The following ST8SIA4 variants were observed in gnomAD, a reference collection of about 807,000 sequenced individuals.
ST8SIA4 encodes CMP-N-acetylneuraminate-poly-alpha-2,8-sialyltransferase.
In ST8SIA4, 15 loss-of-function variants were observed where a neutral mutation model predicts 33.9. The observed-to-expected ratio is 0.44, with a 90% CI of 0.30 to 0.68. The LOEUF (loss-of-function observed/expected upper bound fraction) is 0.68, where lower values mean the gene tolerates loss of function less well. Among genes scored for constraint, ST8SIA4 ranks in the 30% least tolerant of loss-of-function variants. The pLI is 0.10. For synonymous variants in ST8SIA4, 171 were observed against 151.2 expected (o/e 1.13, Z -0.96); for missense variants, 321 against 428.0 (o/e 0.75, Z 2.21).
intron 4 of ST8SIA4, among the ~76,000 whole-genome samples, chr5:100,832,087 A>C (rs907915879): frequency 6.6e-6 from 1 of 152,194 alleles, no homozygotes; most frequent in Non-Finnish European, 1.5e-5. Flanking sequence ...CATAGATACT[A>C]AATATCAATA....
chr5:100,822,399 G>A (rs140226023), intron 4 of ST8SIA4, among the ~76,000 whole-genome samples: 8 of 152,080 alleles, frequency 5.3e-5, no homozygotes, highest in African/African-American at 1.9e-4. Context: ...GAACAACTTC[G>A]GTACAGTGAA....
intron 4 of ST8SIA4, among the ~76,000 whole-genome samples, chr5:100,818,354 A>T (rs1223689829): frequency 6.6e-6 from 1 of 152,040 alleles, no homozygotes; most frequent in Non-Finnish European, 1.5e-5. Flanking sequence ...TCTATGTGTG[A>T]AGCTTTTTGG....
chr5:100,878,362 A>C (rs547996938), intron 3 of ST8SIA4, among the ~76,000 whole-genome samples: 1 of 151,962 alleles, frequency 6.6e-6, no homozygotes, highest in Admixed American at 6.6e-5. Flanking sequence ...TTTTCAGTAG[A>C]GATGGGGTTT....
chr5:100,837,869 G>A (rs1751395317), intron 4 of ST8SIA4, among the ~76,000 whole-genome samples: 1 of 151,870 alleles, frequency 6.6e-6, no homozygotes, highest in Admixed American at 6.6e-5. Flanking sequence ...TATTGTATAT[G>A]TTGTCTTAGT....
intron 4 of ST8SIA4, among the ~76,000 whole-genome samples, chr5:100,851,973 A>G (rs1382565110): frequency 1.3e-5 from 2 of 151,920 alleles, no homozygotes; most frequent in African/African-American, 4.8e-5. Flanking sequence ...GGTTATTAAG[A>G]TATTAAGTTG....
At chr5:100,879,368 C>T (rs892776333) in intron 3 of ST8SIA4, among the ~76,000 whole-genome samples, 13 of 152,148 alleles carry the variant, frequency 8.5e-5, no homozygotes, top group Admixed American at 7.9e-4. Flanking sequence ...AGAAATTGTT[C>T]TTGAAAGTTA....
chr5:100,874,509 C>A (rs1212098883), intron 3 of ST8SIA4, among the ~76,000 whole-genome samples: 1 of 151,860 alleles, frequency 6.6e-6, no homozygotes, highest in Non-Finnish European at 1.5e-5. Context: ...CTCTCTGTGC[C>A]TTTTCCTCTC....
At chr5:100,861,202 AC>A (rs1445666458) in intron 3 of ST8SIA4, among the ~76,000 whole-genome samples, 1 of 152,062 alleles carries the variant, frequency 6.6e-6, no homozygotes, top group Non-Finnish European at 1.5e-5. Context: ...ACACACACAC[AC>A]CACATTTTAT....
At chr5:100,850,511 G>A (rs550434171) in intron 4 of ST8SIA4, among the ~76,000 whole-genome samples, 10 of 151,340 alleles carry the variant, frequency 6.6e-5, no homozygotes, top group Non-Finnish European at 1.5e-4. Flanking sequence ...CTCATTTTGG[G>A]TTTAAATCTT....
intron 2 of ST8SIA4, 109 bp from the exon 3 acceptor site, chr5:100,886,709 A>T: frequency 1.2e-6 from 1 of 861,934 alleles, no homozygotes; most frequent in Non-Finnish European, 1.8e-6. Context: ...CAAACTATTA[A>T]TCTTAGATTA....
At chr5:100,812,988 A>G (rs921421492) in intron 4 of ST8SIA4, among the ~76,000 whole-genome samples, 7 of 151,980 alleles carry the variant, frequency 4.6e-5, no homozygotes, top group Non-Finnish European at 7.4e-5. Flanking sequence ...AAGTTGTCCA[A>G]TGATAAACAC....
chr5:100,837,408 A>AAT (rs1751385741), intron 4 of ST8SIA4, among the ~76,000 whole-genome samples: 1 of 151,998 alleles, frequency 6.6e-6, no homozygotes, highest in Non-Finnish European at 1.5e-5. Context: ...ATTTAAAGAA[A>AAT]ATATTCTAAT....
chr5:100,902,314 G>A (rs999777160), intron 1 of ST8SIA4, among the ~76,000 whole-genome samples: 2 of 152,266 alleles, frequency 1.3e-5, no homozygotes, highest in Admixed American at 1.3e-4. Context: ...TATCCTTAGT[G>A]GTACTGGAGT....
At chr5:100,821,769 A>C (rs1329602200) in intron 4 of ST8SIA4, among the ~76,000 whole-genome samples, 2 of 152,238 alleles carry the variant, frequency 1.3e-5, no homozygotes, top group Non-Finnish European at 2.9e-5. Flanking sequence ...TGGTTCCTAA[A>C]AGCATTCCCA....
At chr5:100,887,605 T>C (rs1237539205) in intron 2 of ST8SIA4, among the ~76,000 whole-genome samples, 3 of 151,946 alleles carry the variant, frequency 2.0e-5, no homozygotes, top group African/African-American at 2.4e-5. Flanking sequence ...AGGTAGATGA[T>C]GGAAAATGAT....
rs1752959984 is a variant in ST8SIA4, at chr5:100,903,100, G to A, written c.-145C>T. On this transcript the variant is annotated 5_prime_UTR_variant, in exon 1 of 5. The change creates a premature stop within an existing upstream ORF in the 5' untranslated region. Transcript: ENST00000231461. Reference sequence around the variant, plus strand: ...GCCGGGATCCCGGGATCAGATCACTGGGGTCTTCTGTGGCCGAGCTCCCTC... The same window carrying A: ...GCCGGGATCCCGGGATCAGATCACTAGGGTCTTCTGTGGCCGAGCTCCCTC... 7 of 622,308 alleles carry A rather than the reference G, an allele frequency of 1.1e-5. No homozygotes were observed. Among genetic ancestry groups the A allele is most frequent in the Non-Finnish European group, 1.7e-5 (6 of 353,740 alleles). 38.5% of individuals were successfully genotyped at this position (622,308 alleles called of 1,614,324 possible).
chr5:100,842,104 C>A (rs1751482454), intron 4 of ST8SIA4, among the ~76,000 whole-genome samples: 1 of 151,874 alleles, frequency 6.6e-6, no homozygotes, highest in African/African-American at 2.4e-5. Context: ...TTTACTACTT[C>A]AATAGAATTT....
chr5:100,875,122 T>C (rs17160771), intron 3 of ST8SIA4, among the ~76,000 whole-genome samples: 19,592 of 152,190 alleles, frequency 0.13, 2,345 homozygotes, highest in African/African-American at 0.3. Context: ...CCCTGAACTG[T>C]ATGTAAAGTC....
intron 3 of ST8SIA4, among the ~76,000 whole-genome samples, chr5:100,883,017 C>T (rs1359379906): frequency 1.3e-5 from 2 of 152,312 alleles, no homozygotes; most frequent in African/African-American, 2.4e-5. Context: ...ACTAGGGCAC[C>T]GCCTAGCGGA....
Sources: allele counts gnomAD v4.1 joint callset (sites outside exome capture counted in the v4.1 genomes callset), GRCh38; gene constraint gnomAD v4.1.1; transcripts MANE v1.5; gene names NCBI Gene and HGNC (gene_info 2026-07-23, HGNC 2026-07-21).